Variants in SLX4IP observed in about 807,000 individuals in gnomAD.
The protein encoded by SLX4IP is SLX4 interacting protein.
Under a neutral mutation model 32.9 loss-of-function variants are expected in SLX4IP, and 34 were observed. The observed-to-expected ratio is 1.03, with a 90% CI of 0.79 to 1.38. The LOEUF is 1.38. Ranked by LOEUF, SLX4IP falls within the 40% of genes most tolerant of loss-of-function variation. The pLI, the probability that SLX4IP is intolerant of heterozygous loss-of-function variation, is 0.00. For synonymous variants in SLX4IP, 172 were observed against 171.7 expected (o/e 1.00, Z -0.01); for missense variants, 444 against 479.0 (o/e 0.93, Z 0.68).
At chr20:10,585,573 T>TC (rs2066636721) in intron 4 of SLX4IP, among the ~76,000 whole-genome samples, 1 of 151,704 alleles carries the variant, frequency 6.6e-6, no homozygotes, top group Admixed American at 6.6e-5. Flanking sequence ...CTTTCCTTTT[T>TC]TTTCTTTCTT....
intron 4 of SLX4IP, among the ~76,000 whole-genome samples, chr20:10,586,986 A>G (rs1360406010): frequency 6.6e-6 from 1 of 152,134 alleles, no homozygotes; most frequent in Non-Finnish European, 1.5e-5. Flanking sequence ...AGTTTTATGT[A>G]CTTGAATAAA....
intron 2 of SLX4IP, among the ~76,000 whole-genome samples, chr20:10,554,120 G>C (rs921209108): frequency 1.2e-4 from 19 of 152,128 alleles, no homozygotes. Context: ...TTCTCACCCA[G>C]TTTTTTACCC....
chr20:10,513,226 A>T (rs906651826), intron 2 of SLX4IP, among the ~76,000 whole-genome samples: 1 of 152,112 alleles, frequency 6.6e-6, no homozygotes, highest in Non-Finnish European at 1.5e-5. Context: ...AACAGCTGCT[A>T]ACCCCAGGAG....
intron 2 of SLX4IP, among the ~76,000 whole-genome samples, chr20:10,533,165 G>A (rs914650353): frequency 2.0e-5 from 3 of 151,958 alleles, no homozygotes; most frequent in Admixed American, 2.0e-4. Context: ...TTGTATTTGT[G>A]CAAATAAAAC....
At chr20:10,525,700 C>T (rs537695270) in intron 2 of SLX4IP, among the ~76,000 whole-genome samples, 2 of 152,226 alleles carry the variant, frequency 1.3e-5, no homozygotes, top group South Asian at 2.1e-4. Context: ...ACAATCAAAC[C>T]CATCAGGTAA....
At chr20:10,443,962 G>A (rs1004154543) in intron 1 of SLX4IP, among the ~76,000 whole-genome samples, 4 of 152,274 alleles carry the variant, frequency 2.6e-5, no homozygotes, top group Admixed American at 2.0e-4. Context: ...GCTTCCTGTA[G>A]AGCCTGGAGA....
At chr20:10,445,933 CTTTTTTTTTTT>C in intron 1 of SLX4IP, among the ~76,000 whole-genome samples, 1 of 60,710 alleles carries the variant, frequency 1.6e-5, no homozygotes, top group South Asian at 4.6e-4. Context: ...GCTGAGATTG[CTTTTTTTTTTT>C]TTTTTTTTTT....
At chr20:10,565,490 C>T (rs564025754) in intron 4 of SLX4IP, among the ~76,000 whole-genome samples, 68 of 152,214 alleles carry the variant, frequency 4.5e-4, no homozygotes, top group Non-Finnish European at 8.7e-4. Context: ...ACTGACTGCC[C>T]GGCCTGTGGC....
intron 2 of SLX4IP, among the ~76,000 whole-genome samples, chr20:10,488,910 A>G (rs1282328900): frequency 1.3e-5 from 2 of 152,206 alleles, no homozygotes; most frequent in South Asian, 2.1e-4. Context: ...GTACATGATT[A>G]TAATATATAA....
rs199848004 is a variant in SLX4IP, at chr20:10,464,188, G to T, written c.27+5957G>T. 7.2e-5 allele frequency among the ~76,000 whole-genome samples: 11 copies of T among 151,960 alleles called. 1 individual carries two copies. In the East Asian group the frequency reaches 1.2e-3, roughly 16 times the overall value. On this transcript the variant is annotated intron_variant, in intron 2 of 7. Transcript: ENST00000334534. ...GCAGAAGAGGCCATTTTGTTTTTTT[G>T]TTTGTTTGTTTGTTTGAAAGATGGG...
intron 2 of SLX4IP, among the ~76,000 whole-genome samples, chr20:10,525,927 G>A (rs2065936703): frequency 6.6e-6 from 1 of 152,118 alleles, no homozygotes; most frequent in Admixed American, 6.5e-5. Flanking sequence ...ATGTGGATAT[G>A]GGGTAAGGAC....
chr20:10,496,707 T>A (rs6039988), intron 2 of SLX4IP, among the ~76,000 whole-genome samples: 18,473 of 151,842 alleles, frequency 0.12, 1,367 homozygotes, highest in Non-Finnish European at 0.17. Flanking sequence ...TTTCTTTTTG[T>A]CAGAAAAGCA....
intron 3 of SLX4IP, among the ~76,000 whole-genome samples, chr20:10,556,581 C>G (rs1304348361): frequency 6.6e-6 from 1 of 151,834 alleles, no homozygotes; most frequent in Non-Finnish European, 1.5e-5. Context: ...GGAAGGATTT[C>G]TATATATTCA....
chr20:10,452,670 A>ATAT (rs1182991433), intron 1 of SLX4IP, among the ~76,000 whole-genome samples: 2 of 82,526 alleles, frequency 2.4e-5, no homozygotes, highest in Non-Finnish European at 5.0e-5. Flanking sequence ...GTCTCAAAAA[A>ATAT]AAAAAAAAAA....
At chr20:10,572,070 G>T in intron 4 of SLX4IP, among the ~76,000 whole-genome samples, 1 of 152,128 alleles carries the variant, frequency 6.6e-6, no homozygotes, top group East Asian at 1.9e-4. Context: ...CTCTGGGTTA[G>T]ATCTTCCACC....
At chr20:10,592,032 T>C (rs1215662441) in intron 4 of SLX4IP, among the ~76,000 whole-genome samples, 3 of 152,234 alleles carry the variant, frequency 2.0e-5, no homozygotes, top group Non-Finnish European at 2.9e-5. Context: ...AGAATTATTT[T>C]ATAAATAATG....
Position 10,515,846 on chromosome 20 carries a change from G to A in SLX4IP, c.28-40385G>A, listed in dbSNP as rs569997690. 3.3e-5 allele frequency among the ~76,000 whole-genome samples: 5 copies of A among 152,348 alleles called. No individual in the cohort carries two copies. In the East Asian group the frequency reaches 9.6e-4, roughly 29 times the overall value. ...TAAAGTCTTTACACCTGATTTTGCT[G>A]TGTGAGAACAGCTCTCTCACATGTT... On this transcript the variant is annotated intron_variant, in intron 2 of 7. Transcript: ENST00000334534.
intron 2 of SLX4IP, among the ~76,000 whole-genome samples, chr20:10,500,241 T>C (rs675365): frequency 0.2 from 30,084 of 149,862 alleles, 3,583 homozygotes; most frequent in East Asian, 0.28. Context: ...AGCAATTCTC[T>C]TGCCTCAGCC....
At chr20:10,565,180 A>G (rs78532542) in intron 4 of SLX4IP, among the ~76,000 whole-genome samples, 5,284 of 152,198 alleles carry the variant, frequency 0.035, 136 homozygotes, top group Admixed American at 0.092. Context: ...CAAAAATGTG[A>G]TAGCTCCCAG....
Sources: gnomAD v4.1 joint callset for allele counts (sites outside exome capture counted in the v4.1 genomes callset) on GRCh38, gnomAD v4.1.1 for gene constraint, MANE v1.5 for transcripts, NCBI Gene and HGNC (gene_info 2026-07-23, HGNC 2026-07-21) for gene names.